H3C4: variants seen among roughly 807,000 people sequenced by gnomAD.
H3C4 encodes histone H3.1.
A neutral mutation model predicts 8.7 loss-of-function variants in H3C4; 10 were observed. That is an observed-to-expected ratio of 1.15 (90% CI 0.71 to 1.96). H3C4 has a LOEUF of 1.96. H3C4 is among the 30% of genes most tolerant of loss of function. The pLI is 0.00. For synonymous variants in H3C4, 141 were observed against 80.1 expected, an observed-to-expected ratio of 1.76 and a Z score of -4.06; for missense variants, 216 against 192.9, an observed-to-expected ratio of 1.12 and a Z score of -0.71.
chr6:26,198,793 CTGAAAAGAGCCT>C, upstream of H3C4: 1 of 1,555,476 alleles, frequency 6.4e-7, no homozygotes, highest in Non-Finnish European at 8.7e-7. Context: ...ATGGGTGGCT[CTGAAAAGAGCCT>C]TTGTTAAGAC....
upstream of H3C4, chr6:26,199,151 T>C: frequency 6.2e-7 from 1 of 1,614,134 alleles, no homozygotes; most frequent in South Asian, 1.1e-5. Context: ...GCAAGCGGTG[T>C]ACGCGGCCCA....
upstream of H3C4, among the ~76,000 whole-genome samples, chr6:26,197,881 TAAAA>T (rs79006416): frequency 0.057 from 5,985 of 105,138 alleles, 136 homozygotes; most frequent in Admixed American, 0.091. Context: ...TAATCTGCTG[TAAAA>T]AAAAAAAAAA....
At chr6:26,197,381 C>T, upstream of H3C4, 1 of 854,572 alleles carries the variant, frequency 1.2e-6, no homozygotes, top group African/African-American at 1.7e-5. Flanking sequence ...GTGGAGACGC[C>T]CACTCCCTGA....
At chr6:26,198,262 G>A (rs1396387944), upstream of H3C4, among the ~76,000 whole-genome samples, 2 of 149,482 alleles carry the variant, frequency 1.3e-5, no homozygotes, top group South Asian at 2.1e-4. Context: ...CAATCCTAAC[G>A]AGCCGCTGCA....
chr6:26,197,287 G>GA, upstream of H3C4: 1 of 1,588,774 alleles, frequency 6.3e-7, no homozygotes. Flanking sequence ...ACGAAAAAAC[G>GA]AAAGTCTAGC....
upstream of H3C4, among the ~76,000 whole-genome samples, chr6:26,198,047 A>G (rs1241287935): frequency 2.0e-5 from 3 of 152,218 alleles, no homozygotes; most frequent in Non-Finnish European, 2.9e-5. Context: ...TTAGCTCAGT[A>G]GAGTTGAAAG....
At chr6:26,199,113 A>T, upstream of H3C4, 1 of 1,613,656 alleles carries the variant, frequency 6.2e-7, no homozygotes, top group South Asian at 1.1e-5. Context: ...GCCGGCCCCG[A>T]CTCGCTCGGA....
upstream of H3C4, chr6:26,197,320 G>A (rs1764998243): frequency 1.3e-6 from 2 of 1,528,414 alleles, no homozygotes; most frequent in Non-Finnish European, 1.8e-6. Context: ...TATATATAAA[G>A]ACACCCCTGT....
At chr6:26,198,133 C>T (rs1765024455), upstream of H3C4, among the ~76,000 whole-genome samples, 1 of 152,110 alleles carries the variant, frequency 6.6e-6, no homozygotes, top group Non-Finnish European at 1.5e-5. Context: ...ATACAAAAGA[C>T]AATAAAACAT....
At chr6:26,199,266 T>A (rs1765071647), upstream of H3C4, 3 of 1,584,560 alleles carry the variant, frequency 1.9e-6, no homozygotes, top group Non-Finnish European at 2.6e-6. Context: ...AAAACGATGT[T>A]AAGCAATGAA....
At chr6:26,198,108 G>A (rs573823679), upstream of H3C4, among the ~76,000 whole-genome samples, 60 of 152,192 alleles carry the variant, frequency 3.9e-4, no homozygotes, top group African/African-American at 1.4e-3. Flanking sequence ...AGGTTATTTC[G>A]TATCATTAAG....
upstream of H3C4, chr6:26,199,261 G>C: frequency 6.3e-7 from 1 of 1,587,422 alleles, no homozygotes; most frequent in South Asian, 1.2e-5. Flanking sequence ...TCTTAAAAAC[G>C]ATGTTAAGCA....
At chr6:26,198,193 G>GTAAA, upstream of H3C4, among the ~76,000 whole-genome samples, 1 of 152,168 alleles carries the variant, frequency 6.6e-6, no homozygotes, top group Non-Finnish European at 1.5e-5. Flanking sequence ...TTATGTAAAT[G>GTAAA]TAAACACTGA....
chr6:26,196,827 T>C lies in H3C4; in HGVS notation c.*13A>G, dbSNP rs760203524. On this transcript the variant is annotated 3_prime_UTR_variant, in exon 1 of 1. Transcript: ENST00000356476. The stretch of plus-strand genomic sequence containing the variant: ...GCCTTTGGGTTTTGGTTAGCACACA[T>C]TCACAAGACAATTTACGCCCTCTCC... 3.1e-6 allele frequency: 5 copies of C among 1,614,120 alleles called. No individual in the cohort carries two copies. Among genetic ancestry groups the C allele is most frequent in the African/African-American group, 1.3e-5 (1 of 75,042 alleles).
rs781151752 is a variant in H3C4 at position 26,196,809 on chromosome 6, G to T, written c.*31C>A. 1 of 1,611,858 alleles carries T rather than the reference G, an allele frequency of 6.2e-7. No individual in the cohort carries two copies. Among genetic ancestry groups the T allele is most frequent in the Non-Finnish European group, 8.5e-7 (1 of 1,179,124 alleles). ...TGGTTGGCTCTGAAAAGAGCCTTTG[G>T]GTTTTGGTTAGCACACATTCACAAG... On this transcript the variant is annotated 3_prime_UTR_variant, in exon 1 of 1. Coordinates refer to ENST00000356476, the MANE Select transcript of H3C4 (RefSeq NM_001376937.1).
upstream of H3C4, among the ~76,000 whole-genome samples, chr6:26,198,691 G>A (rs1581450199): frequency 6.6e-6 from 1 of 152,256 alleles, no homozygotes; most frequent in Non-Finnish European, 1.5e-5. Context: ...ACGATTCAGT[G>A]TTAAGAACAC....
At position 26,197,235 on chromosome 6, in the gene H3C4, G is replaced by A. The variant is rs1764994028; in HGVS notation, c.16C>T (p.Gln6Ter). Reference sequence around the variant, plus strand: ...CCACCCGTGGACTTGCGAGCAGTCTGCTTGGTACGAGCCATTGCGAACTTC... The same window carrying A: ...CCACCCGTGGACTTGCGAGCAGTCTACTTGGTACGAGCCATTGCGAACTTC... MARTK[Q>*]TARKSTGGKA... is the part of the protein sequence containing the mutation. Residue 6 changes from glutamine (Q) to a stop codon, truncating the protein, a stop_gained, in exon 1 of 1, where the codon CAG becomes TAG. Coordinates refer to ENST00000356476, the MANE Select transcript of H3C4 (RefSeq NM_001376937.1). LOFTEE classifies it high-confidence loss of function. The A allele has an allele frequency of 4.3e-6, 7 of 1,613,242 alleles. No individual in the cohort carries two copies. The highest frequency in any genetic ancestry group is 5.9e-6 in the Non-Finnish European group (7 of 1,179,776).
At position 26,197,218 on chromosome 6, in the gene H3C4, G is replaced by A. The variant is rs1764993603; in HGVS notation, c.33C>T (p.Ser11=). The change falls in exon 1 of 1, where the codon TCC becomes TCT. Residue 11 remains serine, a synonymous_variant. Coordinates refer to ENST00000356476, the MANE Select transcript of H3C4 (RefSeq NM_001376937.1). ...GCTTGCGTGGCGCTTTCCCACCCGTGGACTTGCGAGCAGTCTGCTTGGTAC... is the reference window on the plus strand; with the variant it reads ...GCTTGCGTGGCGCTTTCCCACCCGTAGACTTGCGAGCAGTCTGCTTGGTAC... MARTKQTARK[S]TGGKAPRKQL... 5 of 1,613,736 alleles carry A rather than the reference G, an allele frequency of 3.1e-6. No individual in the cohort carries two copies. Among genetic ancestry groups the A allele is most frequent in the Non-Finnish European group, 4.2e-6 (5 of 1,179,956 alleles).
In H3C4 at chr6:26,197,243, C is replaced by G. The variant is rs1764994646; in HGVS notation, c.8G>C (p.Arg3Pro). The change falls in exon 1 of 1, where the codon CGT (arginine) becomes CCT (proline). Residue 3 changes from arginine (R) to proline (P), a missense_variant. Coordinates refer to ENST00000356476, the MANE Select transcript of H3C4 (RefSeq NM_001376937.1). ...GGACTTGCGAGCAGTCTGCTTGGTA[C>G]GAGCCATTGCGAACTTCTAAACCCT... MA[R>P]TKQTARKSTG... 6.2e-7 allele frequency: 1 copy of G among 1,610,324 alleles called. No individual in the cohort carries two copies. Among genetic ancestry groups the G allele is most frequent in the Non-Finnish European group, 8.5e-7 (1 of 1,179,084 alleles).
Sources: gnomAD v4.1 joint callset for allele counts (sites outside exome capture counted in the v4.1 genomes callset) on GRCh38, gnomAD v4.1.1 for gene constraint, MANE v1.5 for transcripts, NCBI Gene and HGNC (gene_info 2026-07-23, HGNC 2026-07-21) for gene names.